CACNA1C: variants seen among roughly 807,000 people sequenced by gnomAD.
CACNA1C encodes the protein voltage-dependent L-type calcium channel subunit alpha-1C.
A neutral mutation model predicts 229.0 loss-of-function variants in CACNA1C; 30 were observed. That is an observed-to-expected ratio of 0.13 (90% confidence interval 0.10 to 0.18). The LOEUF (loss-of-function observed/expected upper bound fraction) is 0.18, where lower values mean the gene tolerates loss of function less well. Among genes scored for constraint, CACNA1C ranks in the 10% least tolerant of loss-of-function variants. The pLI is 1.00. For missense variants in CACNA1C, 1,658 were observed against 2,845.0 expected, an observed-to-expected ratio of 0.58 and a Z score of 9.49; for synonymous variants, 1,114 against 1,132.5, an observed-to-expected ratio of 0.98 and a Z score of 0.33.
chr12:2,265,727 C>T (rs1448493373), intron 3 of CACNA1C, among the ~76,000 whole-genome samples: 2 of 152,172 alleles, frequency 1.3e-5, no homozygotes, highest in Admixed American at 6.5e-5. Context: ...GATGAAGACG[C>T]GGGGGCTCCA....
intron 3 of CACNA1C, among the ~76,000 whole-genome samples, chr12:2,163,257 A>G (rs1031916088): frequency 1.3e-5 from 2 of 151,524 alleles, no homozygotes; most frequent in Admixed American, 1.3e-4. Flanking sequence ...TTTAAAATTG[A>G]CAGTGCATTT....
intron 3 of CACNA1C, among the ~76,000 whole-genome samples, chr12:2,204,364 C>T (rs530143662): frequency 2.0e-5 from 3 of 152,168 alleles, no homozygotes; most frequent in Admixed American, 6.5e-5. Flanking sequence ...CCTAGTTCAA[C>T]CATTGTGGAA....
chr12:2,290,516 G>C (rs1157496695), intron 3 of CACNA1C, among the ~76,000 whole-genome samples: 1 of 152,180 alleles, frequency 6.6e-6, no homozygotes, highest in African/African-American at 2.4e-5. Flanking sequence ...TGGGGAGAAA[G>C]AAATGATCTG....
At chr12:2,245,148 G>A (rs1162269237) in intron 3 of CACNA1C, among the ~76,000 whole-genome samples, 1 of 152,142 alleles carries the variant, frequency 6.6e-6, no homozygotes, top group Non-Finnish European at 1.5e-5. Context: ...GAGAGCAAAG[G>A]GAATTGTATT....
intron 1 of CACNA1C, among the ~76,000 whole-genome samples, chr12:2,099,543 G>C (rs1163460633): frequency 6.6e-6 from 1 of 152,036 alleles, no homozygotes; most frequent in Non-Finnish European, 1.5e-5. Flanking sequence ...ATCTGGCACT[G>C]GGGTGGCCAC....
In CACNA1C at chr12:2,319,585, G is replaced by A. The variant is rs959973759; in HGVS notation, c.478-129391G>A. ...ATTGCCGGGTGAGCCTGAGATAAGG[G>A]TGTAGCTCTGCTCATTTCTGGAGGT... On this transcript the variant is annotated intron_variant, in intron 3 of 46. Coordinates refer to ENST00000399655, the MANE Select transcript of CACNA1C (RefSeq NM_000719.7). This position sits in a 1 kb window ranked among gnomAD's most constrained non-coding sequence, Gnocchi z 4.0. Among the ~76,000 whole-genome samples, 4 of 152,170 alleles carry A rather than the reference G, an allele frequency of 2.6e-5. No homozygotes were observed. The highest frequency in any genetic ancestry group is 5.9e-5 in the Non-Finnish European group (4 of 68,032).
chr12:2,010,288 G>C (rs2044178980), intron 1 of CACNA1C, among the ~76,000 whole-genome samples: 1 of 152,194 alleles, frequency 6.6e-6, no homozygotes, highest in Admixed American at 6.5e-5. Context: ...TGTTCTGCAG[G>C]GTTATACAAA....
intron 21 of CACNA1C, among the ~76,000 whole-genome samples, chr12:2,600,907 T>C (rs1025185606): frequency 2.0e-5 from 3 of 152,208 alleles, no homozygotes; most frequent in East Asian, 3.9e-4. Context: ...GTATTTTACA[T>C]AGAGGTACCC....
At position 2,677,083 on chromosome 12, in the gene CACNA1C, A is replaced by G. The variant is rs1271780128; in HGVS notation, c.4829-11A>G. The G allele has an allele frequency of 1.9e-6, 3 of 1,611,416 alleles. No homozygotes were observed. The highest frequency in any genetic ancestry group is 1.3e-5 in the African/African-American group (1 of 74,884). ...CCCTCTTACCCCCTCTCCCCTCTCC[A>G]TACGTCTCAGATGATGAGGTCACCG... On this transcript the variant is annotated splice_polypyrimidine_tract_variant and intron_variant, in intron 39 of 46. Coordinates refer to ENST00000399655, the MANE Select transcript of CACNA1C (RefSeq NM_000719.7). This position sits in a 1 kb window ranked among gnomAD's most constrained non-coding sequence, Gnocchi z 7.4.
intron 7 of CACNA1C, among the ~76,000 whole-genome samples, chr12:2,500,262 T>G (rs1766448254): frequency 6.6e-6 from 1 of 152,200 alleles, no homozygotes; most frequent in South Asian, 2.1e-4. Flanking sequence ...GTCCTGGCTG[T>G]CTGTGGGGCC....
chr12:2,431,283 G>A (rs77506370), intron 3 of CACNA1C, among the ~76,000 whole-genome samples: 2 of 152,262 alleles, frequency 1.3e-5, no homozygotes, highest in East Asian at 1.9e-4. Flanking sequence ...TAGGAGAACC[G>A]AAGTTTGGGA....
In CACNA1C at chr12:2,141,556, A is replaced by G. The variant is rs966251261; in HGVS notation, c.477+21126A>G. Among the ~76,000 whole-genome samples, 20 of 151,290 alleles carry G rather than the reference A, an allele frequency of 1.3e-4. 1 individual carries two copies. Among genetic ancestry groups the G allele is most frequent in the African/African-American group, 4.8e-4 (20 of 41,346 alleles). On this transcript the variant is annotated intron_variant, in intron 3 of 46. Coordinates refer to ENST00000399655, the MANE Select transcript of CACNA1C (RefSeq NM_000719.7). The stretch of plus-strand genomic sequence containing the variant: ...TTGGCCATCCAGCCTTCATTTCCCT[A>G]GCAACTTCTCTACATCCAGATCCAT...
chr12:2,525,520 C>G (rs531985723), intron 9 of CACNA1C, among the ~76,000 whole-genome samples: 2 of 152,286 alleles, frequency 1.3e-5, no homozygotes, highest in Non-Finnish European at 2.9e-5. Context: ...TTGGTGGGAT[C>G]CCTGCCATGA....
upstream of CACNA1C, among the ~76,000 whole-genome samples, chr12:2,048,869 A>G (rs530335749): frequency 5.3e-5 from 8 of 152,332 alleles, no homozygotes; most frequent in African/African-American, 1.9e-4. Context: ...GAAGAAGAAG[A>G]AGAAACATTT....
chr12:2,415,783 C>A (rs2098883802), intron 3 of CACNA1C, among the ~76,000 whole-genome samples: 1 of 152,154 alleles, frequency 6.6e-6, no homozygotes, highest in Admixed American at 6.5e-5. Flanking sequence ...GTGGCCTCGT[C>A]CCCCAGCCCC....
At chr12:2,401,124 C>A (rs2098671489) in intron 3 of CACNA1C, among the ~76,000 whole-genome samples, 1 of 152,210 alleles carries the variant, frequency 6.6e-6, no homozygotes, top group Admixed American at 6.5e-5. Flanking sequence ...CTTAGTGACA[C>A]CTCAGGGTCT....
At chr12:2,190,195 T>C (rs958150606) in intron 3 of CACNA1C, among the ~76,000 whole-genome samples, 3 of 152,244 alleles carry the variant, frequency 2.0e-5, no homozygotes, top group African/African-American at 7.2e-5. Flanking sequence ...ATTAGCAATG[T>C]TGTACTTCTG....
At chr12:2,002,724 T>A (rs2042454325) in intron 1 of CACNA1C, among the ~76,000 whole-genome samples, 1 of 152,206 alleles carries the variant, frequency 6.6e-6, no homozygotes, top group Non-Finnish European at 1.5e-5. Context: ...CTGGTCCTCA[T>A]CTCTCTACTA....
chr12:2,619,998 G>A (rs553068372), intron 29 of CACNA1C, among the ~76,000 whole-genome samples: 10 of 152,232 alleles, frequency 6.6e-5, no homozygotes, highest in East Asian at 5.8e-4. Flanking sequence ...AGAAGCAGTC[G>A]ATAATCAATG....
Sources: gnomAD v4.1 joint callset for allele counts (sites outside exome capture counted in the v4.1 genomes callset) on GRCh38, gnomAD v4.1.1 for gene constraint, Gnocchi (gnomAD v3.1) non-coding constraint, MANE v1.5 for transcripts, NCBI Gene and HGNC (gene_info 2026-07-23, HGNC 2026-07-21) for gene names.